XRRA1: variants seen among roughly 807,000 people sequenced by gnomAD.
The protein encoded by XRRA1 is X-ray radiation resistance associated 1.
XRRA1 carries 69 observed loss-of-function variants against 80.2 expected under a neutral mutation model. The ratio of observed to expected loss-of-function variants is 0.86; its 90% CI spans 0.71 to 1.05. XRRA1 has a LOEUF of 1.05. XRRA1 is among the 50% of genes least tolerant of loss of function. XRRA1 has a pLI of 0.00. For synonymous variants in XRRA1, 348 were observed against 389.9 expected (o/e 0.89, Z 1.27); for missense variants, 967 against 976.4 (o/e 0.99, Z 0.13).
intron 1 of XRRA1, among the ~76,000 whole-genome samples, chr11:74,946,848 C>A (rs532945220): frequency 3.9e-5 from 6 of 151,958 alleles, no homozygotes; most frequent in African/African-American, 1.2e-4. Flanking sequence ...GCCTCCCGGG[C>A]TCACGCCATT....
chr11:74,844,277 T>C lies in XRRA1; in HGVS notation c.1934A>G (p.Gln645Arg), dbSNP rs2037384080. The C allele has an allele frequency of 6.2e-7, 1 of 1,612,534 alleles. No individual in the cohort carries two copies. Among genetic ancestry groups the C allele is most frequent in the Non-Finnish European group, 8.5e-7 (1 of 1,179,580 alleles). The change falls in exon 17 of 19, where the codon CAG becomes CGG. Residue 645 changes from glutamine to arginine, a missense_variant. Physicochemically the swap from Gln to Arg is conservative, Grantham distance 43. Transcript: ENST00000684022. ...DPAFIEPKGI[Q>R]KNAQALQQML... is the part of the protein sequence containing the mutation. ...TTGTTGCAGGGCTTGTGCATTCTTC[T>C]GGATTCCTAGGGCAAGAAGGCAAGA... is the stretch of plus-strand genomic sequence containing the variant.
intron 10 of XRRA1, among the ~76,000 whole-genome samples, chr11:74,894,495 C>T (rs1480380026): frequency 6.6e-6 from 1 of 152,098 alleles, no homozygotes; most frequent in Non-Finnish European, 1.5e-5. Flanking sequence ...GCTTAGGAGG[C>T]CTCAGGAAAC....
At chr11:74,945,319 C>T (rs987738959) in intron 1 of XRRA1, among the ~76,000 whole-genome samples, 2 of 152,140 alleles carry the variant, frequency 1.3e-5, no homozygotes, top group Admixed American at 1.3e-4. Flanking sequence ...TGGGGTATGG[C>T]TGGAGTGCTT....
intron 11 of XRRA1, among the ~76,000 whole-genome samples, chr11:74,859,731 T>G (rs2041929159): frequency 6.6e-6 from 1 of 151,976 alleles, no homozygotes; most frequent in South Asian, 2.1e-4. Flanking sequence ...AGGGAGGTGT[T>G]TTGAGCCTTG....
At chr11:74,894,737 C>T (rs908068436) in intron 10 of XRRA1, among the ~76,000 whole-genome samples, 1 of 152,124 alleles carries the variant, frequency 6.6e-6, no homozygotes, top group Non-Finnish European at 1.5e-5. Context: ...TGAGTGGAGA[C>T]ACAGCCAAAC....
At chr11:74,880,840 T>C (rs2047369741) in intron 10 of XRRA1, among the ~76,000 whole-genome samples, 1 of 151,788 alleles carries the variant, frequency 6.6e-6, no homozygotes, top group Non-Finnish European at 1.5e-5. Flanking sequence ...TTTGTTATAA[T>C]TTCTGTTCTT....
chr11:74,859,046 T>G, intron 12 of XRRA1, 112 bp downstream of exon 12: 1 of 1,368,782 alleles, frequency 7.3e-7, no homozygotes. Flanking sequence ...CCTGAGCCCA[T>G]GTACCTGTAA....
At chr11:74,921,121 G>A in intron 8 of XRRA1, 93 bp downstream of exon 8, 1 of 1,515,420 alleles carries the variant, frequency 6.6e-7, no homozygotes, top group Non-Finnish European at 9.0e-7. Context: ...AGCACTTACA[G>A]CCTATCTTTA....
At position 74,889,162 on chromosome 11, in the gene XRRA1, G is replaced by A. The variant is rs192378149; in HGVS notation, c.1003+17077C>T. Among the ~76,000 whole-genome samples, 554 of 152,178 alleles carry A rather than the reference G, an allele frequency of 3.6e-3. 3 individuals carry two copies. The highest frequency in any genetic ancestry group is 4.8e-3 in the Non-Finnish European group (324 of 67,998). On this transcript the variant is annotated intron_variant, in intron 10 of 18. Coordinates refer to ENST00000684022, the MANE Select transcript of XRRA1 (RefSeq NM_001378157.1). Reference sequence around the variant, plus strand: ...TTAGGGGCAGCCAGAGAGAAAGGTCGGGTTACCCTCAAAGGGAAGCCCATC... The same window carrying A: ...TTAGGGGCAGCCAGAGAGAAAGGTCAGGTTACCCTCAAAGGGAAGCCCATC...
In XRRA1 at chr11:74,936,413, G is replaced by A. The variant is rs544501031; in HGVS notation, c.279+471C>T. On this transcript the variant is annotated intron_variant, in intron 4 of 18. Transcript: ENST00000684022. ...TGTAGAGATCACCCCAAAGAGCACA[G>A]CAGGAATCTCTCAACCCTACTAGGT... Among the ~76,000 whole-genome samples the A allele has an allele frequency of 9.8e-5, 15 of 152,382 alleles. No individual in the cohort carries two copies. In the East Asian group the frequency reaches 2.9e-3, roughly 29 times the overall value.
intron 10 of XRRA1, among the ~76,000 whole-genome samples, chr11:74,869,996 A>G (rs939557077): frequency 3.9e-5 from 6 of 152,204 alleles, no homozygotes; most frequent in African/African-American, 1.4e-4. Context: ...TGTGGGGCCC[A>G]TCTGGGATCC....
At chr11:74,847,334 G>C (rs2135422186) in intron 15 of XRRA1, among the ~76,000 whole-genome samples, 1 of 152,292 alleles carries the variant, frequency 6.6e-6, no homozygotes, top group South Asian at 2.1e-4. Flanking sequence ...CTAGAGGCAG[G>C]GAGATCAGGG....
chr11:74,936,090 A>G (rs1428873554), intron 4 of XRRA1, among the ~76,000 whole-genome samples: 2 of 152,240 alleles, frequency 1.3e-5, no homozygotes, highest in Non-Finnish European at 2.9e-5. Flanking sequence ...TCTCTTGGGA[A>G]CCATAGCAGA....
chr11:74,851,933 G>T, intron 13 of XRRA1, 56 bp downstream of exon 13: 2 of 1,454,938 alleles, frequency 1.4e-6, no homozygotes, highest in Non-Finnish European at 1.9e-6. Context: ...GGATGAGGGT[G>T]CCACACTGCT....
rs773236218 is a variant in XRRA1, at chr11:74,848,275, G to A, written c.1568C>T (p.Pro523Leu). 56 of 1,613,812 alleles carry A rather than the reference G, an allele frequency of 3.5e-5. No individual in the cohort carries two copies. Among genetic ancestry groups the A allele is most frequent in the East Asian group, 2.2e-4 (10 of 44,886 alleles). The change falls in exon 15 of 19, where the codon CCG becomes CTG. Residue 523 changes from proline (P) to leucine (L), a missense_variant. By Grantham distance (98) the Pro-to-Leu change is moderately conservative. Coordinates refer to ENST00000684022, the MANE Select transcript of XRRA1 (RefSeq NM_001378157.1). ...MPTENLEGHS[P>L]SCRTFVPLPP... ...CAGTGGCACGAAGGTCCGGCAAGAC[G>A]GGGAATGGCCTTCCAGGTTCTCAGT...
intron 8 of XRRA1, chr11:74,910,600 A>C (rs1043529470): frequency 3.9e-5 from 6 of 152,350 alleles, no homozygotes; most frequent in Non-Finnish European, 7.3e-5. Flanking sequence ...AGAAGCAGGC[A>C]GAGTCAGGCC....
At chr11:74,930,484 T>C (rs1943256148) in intron 5 of XRRA1, 112 bp from the exon 6 acceptor site, 1 of 791,600 alleles carries the variant, frequency 1.3e-6, no homozygotes, top group Non-Finnish European at 2.0e-6. Context: ...CCTAAAGGAA[T>C]AAGGGACATC....
In XRRA1 at chr11:74,843,147, C is replaced by T. The variant is rs1421432177; in HGVS notation, c.*53G>A. The T allele has an allele frequency of 8.6e-6, 13 of 1,508,534 alleles. No individual in the cohort carries two copies. Among genetic ancestry groups the T allele is most frequent in the East Asian group, 7.4e-5 (3 of 40,492 alleles). 93.4% of individuals were successfully genotyped at this position (1,508,534 alleles called of 1,614,324 possible). A position where few individuals can be genotyped will look rare whatever the true frequency, so the allele number is the denominator to read the frequency against. ...GGTGCGGTCCAGGGCACAGAGCCCTCGGGGAGAGCTGGGGCACAGGCCGGG... is the reference window on the plus strand; with the variant it reads ...GGTGCGGTCCAGGGCACAGAGCCCTTGGGGAGAGCTGGGGCACAGGCCGGG... On this transcript the variant is annotated 3_prime_UTR_variant, in exon 19 of 19. Coordinates refer to ENST00000684022, the MANE Select transcript of XRRA1 (RefSeq NM_001378157.1).
chr11:74,867,676 C>T (rs1024587374), intron 10 of XRRA1, among the ~76,000 whole-genome samples: 1 of 152,142 alleles, frequency 6.6e-6, no homozygotes, highest in Non-Finnish European at 1.5e-5. Flanking sequence ...ATGACAATTT[C>T]CCCAACTTTG....
Sources: gnomAD v4.1 joint callset for allele counts (sites outside exome capture counted in the v4.1 genomes callset) on GRCh38, gnomAD v4.1.1 for gene constraint, MANE v1.5 for transcripts, NCBI Gene and HGNC (gene_info 2026-07-23, HGNC 2026-07-21) for gene names.